Variants in NRCAM observed in about 807,000 individuals in gnomAD.
NRCAM encodes the protein NgCAM-related cell adhesion molecule.
NRCAM carries 83 observed loss-of-function variants against 156.5 expected under a neutral mutation model. That is an observed-to-expected ratio of 0.53 (90% CI 0.44 to 0.64). The LOEUF (loss-of-function observed/expected upper bound fraction) is 0.64, where lower values mean the gene tolerates loss of function less well. NRCAM is among the 30% of genes least tolerant of loss of function. The probability of loss-of-function intolerance (pLI) is 0.00; values close to 1 mark genes in which losing one functional copy is unlikely to be tolerated. For missense variants in NRCAM, 1,417 were observed against 1,597.3 expected, an observed-to-expected ratio of 0.89 and a Z score of 1.92; for synonymous variants, 538 against 563.9, an observed-to-expected ratio of 0.95 and a Z score of 0.65.
At chr7:108,434,673 G>A (rs1829970914) in intron 1 of NRCAM, among the ~76,000 whole-genome samples, 1 of 152,148 alleles carries the variant, frequency 6.6e-6, no homozygotes, top group Admixed American at 6.5e-5. Flanking sequence ...ACAAAACCAT[G>A]AGCAGAGAGT....
At chr7:108,232,219 A>G in intron 7 of NRCAM, 107 bp downstream of exon 7, 1 of 803,724 alleles carries the variant, frequency 1.2e-6, no homozygotes, top group Admixed American at 2.7e-5. Context: ...AGAATATTGG[A>G]AGCAATGCCA....
intron 19 of NRCAM, among the ~76,000 whole-genome samples, chr7:108,190,218 G>C (rs1462823703): frequency 6.6e-6 from 1 of 152,216 alleles, no homozygotes; most frequent in African/African-American, 2.4e-5. Context: ...GGCTCTGAAA[G>C]AATATTTATA....
chr7:108,196,854 C>G (rs2075407116), intron 14 of NRCAM, among the ~76,000 whole-genome samples: 1 of 152,010 alleles, frequency 6.6e-6, no homozygotes, highest in Admixed American at 6.6e-5. Context: ...GGTATATATC[C>G]AAAGGAAATG....
intron 25 of NRCAM, among the ~76,000 whole-genome samples, chr7:108,179,808 A>G (rs1485715106): frequency 6.6e-6 from 1 of 152,152 alleles, no homozygotes; most frequent in Non-Finnish European, 1.5e-5. Context: ...TATAACTTAT[A>G]GAAATATTTT....
chr7:108,423,422 G>A (rs771563610), intron 1 of NRCAM, among the ~76,000 whole-genome samples: 1 of 151,990 alleles, frequency 6.6e-6, no homozygotes, highest in Non-Finnish European at 1.5e-5. Context: ...CTGATTCAGA[G>A]AGAAAAGGAA....
intron 19 of NRCAM, among the ~76,000 whole-genome samples, 162 bp from the exon 20 acceptor site, chr7:108,189,908 G>A (rs1367545661): frequency 6.6e-6 from 1 of 152,172 alleles, no homozygotes; most frequent in African/African-American, 2.4e-5. Context: ...AGGCTGCTGG[G>A]AACACACGAA....
chr7:108,207,276 C>A (rs2153569065), intron 13 of NRCAM: 1 of 310,828 alleles, frequency 3.2e-6, no homozygotes, highest in South Asian at 7.1e-5. Flanking sequence ...TTCCCATTAT[C>A]CATGTAAAAA....
chr7:108,257,054 G>C (rs1274720621), intron 3 of NRCAM, among the ~76,000 whole-genome samples: 1 of 148,448 alleles, frequency 6.7e-6, no homozygotes, highest in African/African-American at 2.5e-5. Flanking sequence ...AAGGAAGGGA[G>C]GGAGGGAGGG....
intron 13 of NRCAM, among the ~76,000 whole-genome samples, chr7:108,202,696 C>G (rs2078829088): frequency 6.6e-6 from 1 of 152,166 alleles, no homozygotes; most frequent in African/African-American, 2.4e-5. Context: ...ATATCCTGGA[C>G]CAGTCCTCCA....
chr7:108,281,837 AACC>A (rs1408706195), intron 3 of NRCAM, among the ~76,000 whole-genome samples: 1 of 152,246 alleles, frequency 6.6e-6, no homozygotes, highest in African/African-American at 2.4e-5. Flanking sequence ...ATGTAATAAT[AACC>A]AAACTGGGAG....
chr7:108,420,667 G>A (rs1196444394), intron 1 of NRCAM, among the ~76,000 whole-genome samples: 1 of 152,110 alleles, frequency 6.6e-6, no homozygotes, highest in East Asian at 1.9e-4. Context: ...GGCATTTTTA[G>A]GCATCCGTGG....
At chr7:108,198,166 A>G in intron 13 of NRCAM, 67 bp from the exon 14 acceptor site, 1 of 1,312,024 alleles carries the variant, frequency 7.6e-7, no homozygotes, top group Non-Finnish European at 1.0e-6. Flanking sequence ...TAAGCTTGTA[A>G]AGTCAGTAGG....
Position 108,170,572 on chromosome 7 carries a change from C to T in NRCAM, c.3188-2170G>A, listed in dbSNP as rs187032781. The stretch of plus-strand genomic sequence containing the variant: ...AACTCCCTGCTTCGAGTTGTCCCTC[C>T]TTTCCAGACCAAACCAATGTTCATC... On this transcript the variant is annotated intron_variant, in intron 28 of 32. Transcript: ENST00000379028. Among the ~76,000 whole-genome samples, 555 of 152,294 alleles carry T rather than the reference C, an allele frequency of 3.6e-3. 3 individuals carry two copies. Among genetic ancestry groups the T allele is most frequent in the Non-Finnish European group, 4.6e-3 (311 of 68,032 alleles).
Position 108,191,248 on chromosome 7 carries a change from G to A in NRCAM, c.1933+6C>T. On this transcript the variant is annotated splice_donor_region_variant and intron_variant, in intron 19 of 32. Transcript: ENST00000379028. ...AAACAGAGAAAGAAGACTCATATTA[G>A]TTTACCGTAAACGGGAGCTGGAGTT... 6.2e-7 allele frequency: 1 copy of A among 1,603,356 alleles called. No individual in the cohort carries two copies. The highest frequency in any genetic ancestry group is 1.7e-4 in the Middle Eastern group (1 of 6,006).
intron 13 of NRCAM, among the ~76,000 whole-genome samples, chr7:108,202,784 A>T (rs775729638): frequency 6.6e-6 from 1 of 152,210 alleles, no homozygotes; most frequent in Non-Finnish European, 1.5e-5. Flanking sequence ...TGCCAGGAAG[A>T]GGTCTTCTGC....
intron 2 of NRCAM, among the ~76,000 whole-genome samples, chr7:108,374,111 G>A (rs2099648134): frequency 6.6e-6 from 1 of 152,118 alleles, no homozygotes; most frequent in Admixed American, 6.6e-5. Context: ...GCCTCCTACT[G>A]ACATAACCTA....
intron 2 of NRCAM, among the ~76,000 whole-genome samples, chr7:108,346,060 T>C (rs1233307362): frequency 1.3e-5 from 2 of 152,148 alleles, no homozygotes; most frequent in Non-Finnish European, 2.9e-5. Context: ...ATTTGAGAAG[T>C]TGCTACGGAG....
intron 2 of NRCAM, among the ~76,000 whole-genome samples, chr7:108,335,665 A>C (rs1403131406): frequency 6.6e-6 from 1 of 152,048 alleles, no homozygotes; most frequent in Admixed American, 6.6e-5. Flanking sequence ...TGAAGTGAAA[A>C]AATGCTTTTT....
chr7:108,249,522 AT>A (rs2096203304), intron 3 of NRCAM, among the ~76,000 whole-genome samples: 2 of 152,246 alleles, frequency 1.3e-5, no homozygotes, highest in Non-Finnish European at 1.5e-5. Flanking sequence ...ATAAAAAAAA[AT>A]AATCAACGAG....
Sources: gnomAD v4.1 joint callset for allele counts (sites outside exome capture counted in the v4.1 genomes callset) on GRCh38, gnomAD v4.1.1 for gene constraint, MANE v1.5 for transcripts, NCBI Gene and HGNC (gene_info 2026-07-23, HGNC 2026-07-21) for gene names.